PCDHGB1: variants seen among roughly 807,000 people sequenced by gnomAD.
The protein encoded by PCDHGB1 is protocadherin gamma-B1.
A neutral mutation model predicts 56.6 loss-of-function variants in PCDHGB1; 34 were observed. The observed-to-expected ratio is 0.60, with a 90% CI of 0.46 to 0.80. The LOEUF is 0.80. PCDHGB1 is among the 30% of genes least tolerant of loss of function. PCDHGB1 has a pLI of 0.00. For missense variants in PCDHGB1, 1,278 were observed against 1,204.6 expected, an observed-to-expected ratio of 1.06 and a Z score of -0.90; for synonymous variants, 561 against 505.9, an observed-to-expected ratio of 1.11 and a Z score of -1.46.
chr5:141,465,801 C>T (rs1380215288), intron 1 of PCDHGB1, among the ~76,000 whole-genome samples: 2 of 151,400 alleles, frequency 1.3e-5, no homozygotes, highest in Non-Finnish European at 2.9e-5. Context: ...TTAAGAAACC[C>T]TTCAGGATCT....
chr5:141,416,109 A>C (rs1365438751), intron 1 of PCDHGB1: 5 of 157,286 alleles, frequency 3.2e-5, no homozygotes, highest in African/African-American at 1.2e-4. Context: ...GCCTTTTTCA[A>C]ACTACATTTT....
chr5:141,417,711 C>A, intron 1 of PCDHGB1: 1 of 1,261,876 alleles, frequency 7.9e-7, no homozygotes, highest in Non-Finnish European at 1.1e-6. Flanking sequence ...CACAGAGGCT[C>A]CCGGCTGCGC....
intron 1 of PCDHGB1, among the ~76,000 whole-genome samples, chr5:141,469,345 G>A (rs2099197832): frequency 6.6e-6 from 1 of 152,128 alleles, no homozygotes; most frequent in Non-Finnish European, 1.5e-5. Context: ...GGGAGGCTGA[G>A]GTGGATGGAT....
At position 141,409,389 on chromosome 5, in the gene PCDHGB1, C is replaced by G; in HGVS notation, c.2409+56720C>G. On this transcript the variant is annotated intron_variant, in intron 1 of 3. Transcript: ENST00000523390. ...ACAGACATTCCATTCAAGATTTATT[C>G]TTCTTCCAATAACTACTACAAACTG... 6.2e-7 allele frequency: 1 copy of G among 1,614,006 alleles called. No homozygotes were observed. Among genetic ancestry groups the G allele is most frequent in the Admixed American group, 1.7e-5 (1 of 60,020 alleles).
At chr5:141,370,483 C>T in intron 1 of PCDHGB1, 1 of 1,613,876 alleles carries the variant, frequency 6.2e-7, no homozygotes, top group East Asian at 2.2e-5. Flanking sequence ...CAGGCTCTCT[C>T]CGAACCGATC....
chr5:141,477,253 G>A lies in PCDHGB1; in HGVS notation c.2410-17554G>A, dbSNP rs1303718568. The A allele has an allele frequency of 1.9e-6, 3 of 1,614,154 alleles. No individual in the cohort carries two copies. The highest frequency in any genetic ancestry group is 2.2e-5 in the South Asian group (2 of 91,070). Reference sequence around the variant, plus strand: ...TCGCTTTGCTCAGTGTGACTGACCTGGATGCTGGCGAGAACGGGCTGGTGA... The same window carrying A: ...TCGCTTTGCTCAGTGTGACTGACCTAGATGCTGGCGAGAACGGGCTGGTGA... On this transcript the variant is annotated intron_variant, in intron 1 of 3. Transcript: ENST00000523390. This position sits in a 1 kb window ranked among gnomAD's most constrained non-coding sequence, Gnocchi z 4.9.
chr5:141,361,612 G>A (rs1485952478), intron 1 of PCDHGB1: 2 of 1,613,984 alleles, frequency 1.2e-6, no homozygotes, highest in Admixed American at 1.7e-5. Flanking sequence ...CTCCATCGTA[G>A]CGAGCGACCT....
At chr5:141,356,906 C>A (rs768015584) in intron 1 of PCDHGB1, 2 of 1,614,228 alleles carry the variant, frequency 1.2e-6, no homozygotes, top group Non-Finnish European at 1.7e-6. Context: ...ACCTTCCCTA[C>A]TGATGGCTCC....
At chr5:141,488,472 T>C (rs1183465817) in intron 1 of PCDHGB1, among the ~76,000 whole-genome samples, 1 of 152,096 alleles carries the variant, frequency 6.6e-6, no homozygotes, top group East Asian at 1.9e-4. Context: ...CCAGAAATGT[T>C]CCCCTACCCA....
At chr5:141,466,624 G>C (rs1279938026) in intron 1 of PCDHGB1, among the ~76,000 whole-genome samples, 1 of 152,038 alleles carries the variant, frequency 6.6e-6, no homozygotes, top group Non-Finnish European at 1.5e-5. Context: ...GTTTTCTTTG[G>C]AGCATTGTCT....
At chr5:141,402,391 T>C (rs1344810342) in intron 1 of PCDHGB1, among the ~76,000 whole-genome samples, 3 of 151,962 alleles carry the variant, frequency 2.0e-5, no homozygotes, top group African/African-American at 7.2e-5. Context: ...AAAAATTACT[T>C]CAGAAAATTG....
intron 1 of PCDHGB1, chr5:141,388,188 T>C: frequency 6.5e-7 from 1 of 1,540,372 alleles, no homozygotes; most frequent in South Asian, 1.1e-5. Context: ...GAAGCCAGCT[T>C]GTGCTCTGGA....
chr5:141,356,115 G>T (rs766964072), intron 1 of PCDHGB1: 3 of 1,613,880 alleles, frequency 1.9e-6, no homozygotes, highest in South Asian at 2.2e-5. Context: ...CAATATTGGG[G>T]GGTCTAGATT....
rs1416755901 is a variant in PCDHGB1 at position 141,489,721 on chromosome 5, G to C, written c.2410-5086G>C. The C allele has an allele frequency of 6.2e-7, 1 of 1,614,016 alleles. No homozygotes were observed. The highest frequency in any genetic ancestry group is 8.5e-7 in the Non-Finnish European group (1 of 1,179,966). On this transcript the variant is annotated intron_variant, in intron 1 of 3. Coordinates refer to ENST00000523390, the MANE Select transcript of PCDHGB1 (RefSeq NM_018922.3). The surrounding 1 kb of genome is among the most constrained non-coding windows in gnomAD (Gnocchi z 4.5). ...CCCACTGGACAGTGCCCAGGATCCGGATGTGGGCACCAATACTGTGAGCTT... is the reference window on the plus strand; with the variant it reads ...CCCACTGGACAGTGCCCAGGATCCGCATGTGGGCACCAATACTGTGAGCTT...
In PCDHGB1 at chr5:141,366,520, C is replaced by T. The variant is rs2149895012; in HGVS notation, c.2409+13851C>T. ...CACGCCTGCTTCAGGCTGAAGGCAG[C>T]AGGTTGGCGGGTGTGCCCGCCTCGC... On this transcript the variant is annotated intron_variant, in intron 1 of 3. Coordinates refer to ENST00000523390, the MANE Select transcript of PCDHGB1 (RefSeq NM_018922.3). 3 of 1,614,278 alleles carry T rather than the reference C, an allele frequency of 1.9e-6. No individual in the cohort carries two copies. The East Asian group carries it at 6.7e-5, about 36-fold the overall frequency.
At position 141,485,321 on chromosome 5, in the gene PCDHGB1, C is replaced by G. The variant is rs780179631; in HGVS notation, c.2410-9486C>G. The G allele has an allele frequency of 6.2e-7, 1 of 1,614,154 alleles. No homozygotes were observed. Among genetic ancestry groups the G allele is most frequent in the Non-Finnish European group, 8.5e-7 (1 of 1,180,024 alleles). On this transcript the variant is annotated intron_variant, in intron 1 of 3. Transcript: ENST00000523390. This position sits in a 1 kb window ranked among gnomAD's most constrained non-coding sequence, Gnocchi z 5.7. The stretch of plus-strand genomic sequence containing the variant: ...AGGGACTTTTGTAGGGAATGTCGCT[C>G]AAGATTTCCTGCTGGATACGGACAG...
At chr5:141,461,825 T>C (rs2099024418) in intron 1 of PCDHGB1, among the ~76,000 whole-genome samples, 1 of 151,778 alleles carries the variant, frequency 6.6e-6, no homozygotes, top group African/African-American at 2.4e-5. Context: ...AGCTAATTTT[T>C]TTTTCTTTTT....
chr5:141,404,180 C>A (rs774534952), intron 1 of PCDHGB1: 10 of 1,613,196 alleles, frequency 6.2e-6, no homozygotes, highest in Non-Finnish European at 8.5e-6. Flanking sequence ...GGCCCAAATT[C>A]TTGACCGAGA....
At chr5:141,388,364 G>A (rs749994962) in intron 1 of PCDHGB1, 12 of 1,613,846 alleles carry the variant, frequency 7.4e-6, no homozygotes, top group Middle Eastern at 1.6e-4. Context: ...CCCATGATGC[G>A]GATATTGGTA....
Sources: gnomAD v4.1 joint callset for allele counts (sites outside exome capture counted in the v4.1 genomes callset) on GRCh38, gnomAD v4.1.1 for gene constraint, Gnocchi (gnomAD v3.1) non-coding constraint, MANE v1.5 for transcripts, NCBI Gene and HGNC (gene_info 2026-07-23, HGNC 2026-07-21) for gene names.